Variants in ATXN1 observed in about 807,000 individuals in gnomAD.
ATXN1 encodes ataxin 1, also known as ataxin-1.
A neutral mutation model predicts 56.4 loss-of-function variants in ATXN1; 8 were observed. The ratio of observed to expected loss-of-function variants is 0.14; its 90% confidence interval spans 0.08 to 0.26. The LOEUF is 0.26. Among genes scored for constraint, ATXN1 ranks in the 10% least tolerant of loss-of-function variants. ATXN1 has a pLI of 1.00. For synonymous variants in ATXN1, 514 were observed against 494.6 expected, an observed-to-expected ratio of 1.04 and a Z score of -0.52; for missense variants, 987 against 1,106.5, an observed-to-expected ratio of 0.89 and a Z score of 1.53.
intron 6 of ATXN1, among the ~76,000 whole-genome samples, chr6:16,423,223 T>C (rs986982338): frequency 3.3e-5 from 5 of 152,218 alleles, no homozygotes; most frequent in Non-Finnish European, 5.9e-5. Context: ...CAGGCTGTTT[T>C]TCATGATTTC....
intron 4 of ATXN1, among the ~76,000 whole-genome samples, chr6:16,523,399 C>T (rs774389148): frequency 1.1e-4 from 16 of 152,132 alleles, no homozygotes; most frequent in Non-Finnish European, 2.4e-4. Context: ...ATTCAGTGAC[C>T]GTGGATGGGG....
chr6:16,458,979 C>T (rs1219040230), intron 6 of ATXN1, among the ~76,000 whole-genome samples: 1 of 152,176 alleles, frequency 6.6e-6, no homozygotes, highest in East Asian at 1.9e-4. Flanking sequence ...ACTGGCATGG[C>T]CTTCTCAGTG....
At chr6:16,354,062 G>A (rs1761634266) in intron 6 of ATXN1, among the ~76,000 whole-genome samples, 1 of 152,084 alleles carries the variant, frequency 6.6e-6, no homozygotes, top group Non-Finnish European at 1.5e-5. Flanking sequence ...AGTCTTGCCG[G>A]TCACACCACA....
rs117848696 is a variant in ATXN1 at position 16,367,903 on chromosome 6, A to G, written c.-160-39433T>C. Reference sequence around the variant, plus strand: ...AATGGTAATGTTAAAGGCTAGAGCTATGCAGCCATCTTGTATGTGAGACAT... The same window carrying G: ...AATGGTAATGTTAAAGGCTAGAGCTGTGCAGCCATCTTGTATGTGAGACAT... On this transcript the variant is annotated intron_variant, in intron 6 of 7. Coordinates refer to ENST00000436367, the MANE Select transcript of ATXN1 (RefSeq NM_001128164.2). Among the ~76,000 whole-genome samples the G allele has an allele frequency of 9.9e-5, 15 of 152,264 alleles. No homozygotes were observed. The East Asian group carries it at 1.5e-3, about 16-fold the overall frequency.
intron 2 of ATXN1, among the ~76,000 whole-genome samples, chr6:16,706,881 TTTCTC>T (rs963505257): frequency 6.6e-6 from 1 of 152,198 alleles, no homozygotes; most frequent in Non-Finnish European, 1.5e-5. Flanking sequence ...GCTTTTCAAA[TTTCTC>T]TTCTCTTCAC....
At chr6:16,501,722 T>C (rs191045537) in intron 5 of ATXN1, among the ~76,000 whole-genome samples, 1 of 152,330 alleles carries the variant, frequency 6.6e-6, no homozygotes, top group Admixed American at 6.5e-5. Flanking sequence ...CAGTCTATCA[T>C]TGATGGGCAT....
intron 3 of ATXN1, among the ~76,000 whole-genome samples, chr6:16,654,973 C>T (rs565617103): frequency 2.0e-5 from 3 of 152,148 alleles, no homozygotes; most frequent in Admixed American, 2.0e-4. Flanking sequence ...CACTTGAAGG[C>T]AGAAAGCCAG....
intron 2 of ATXN1, among the ~76,000 whole-genome samples, chr6:16,733,995 C>T (rs922251024): frequency 4.6e-5 from 7 of 151,726 alleles, no homozygotes; most frequent in South Asian, 2.1e-4. Context: ...CGGAGGCTGA[C>T]GCAGGAGAAT....
chr6:16,414,341 G>A (rs773042239), intron 6 of ATXN1, among the ~76,000 whole-genome samples: 8 of 152,190 alleles, frequency 5.3e-5, no homozygotes, highest in Non-Finnish European at 1.0e-4. Context: ...ATCGGTCACT[G>A]TTAAAACCCA....
At chr6:16,462,042 T>C (rs1760009706) in intron 6 of ATXN1, among the ~76,000 whole-genome samples, 2 of 152,212 alleles carry the variant, frequency 1.3e-5, no homozygotes, top group South Asian at 2.1e-4. Flanking sequence ...ATAACTTCTT[T>C]GGCAAAATAC....
chr6:16,600,896 G>T (rs1762900258), intron 3 of ATXN1, among the ~76,000 whole-genome samples: 1 of 152,198 alleles, frequency 6.6e-6, no homozygotes, highest in Admixed American at 6.5e-5. Flanking sequence ...AGAAACTCAA[G>T]TAATTCCTTT....
intron 3 of ATXN1, among the ~76,000 whole-genome samples, chr6:16,604,196 G>A (rs1440254080): frequency 6.6e-6 from 1 of 151,858 alleles, no homozygotes; most frequent in East Asian, 1.9e-4. Context: ...AATACAAAGA[G>A]ATAAAGAGGA....
At chr6:16,342,668 C>T (rs139650714) in intron 6 of ATXN1, among the ~76,000 whole-genome samples, 66 of 152,304 alleles carry the variant, frequency 4.3e-4, no homozygotes, top group African/African-American at 1.4e-3. Flanking sequence ...ATCCTTATGA[C>T]GAGCTATTAT....
At chr6:16,743,103 A>G (rs1144698) in intron 2 of ATXN1, among the ~76,000 whole-genome samples, 37,921 of 152,140 alleles carry the variant, frequency 0.25, 5,644 homozygotes, top group African/African-American at 0.4. Flanking sequence ...CATATAATCG[A>G]AATTCAGTAG....
At chr6:16,675,782 G>A (rs773423676) in intron 2 of ATXN1, among the ~76,000 whole-genome samples, 8 of 152,138 alleles carry the variant, frequency 5.3e-5, no homozygotes, top group African/African-American at 7.2e-5. Context: ...CCAGCGACTC[G>A]GGAGGCTGAG....
chr6:16,748,554 T>C (rs1760610257), intron 2 of ATXN1, among the ~76,000 whole-genome samples: 1 of 152,198 alleles, frequency 6.6e-6, no homozygotes, highest in African/African-American at 2.4e-5. Context: ...AAAATAATGA[T>C]GCCTACCTCA....
chr6:16,620,865 A>C (rs1437298868), intron 3 of ATXN1, among the ~76,000 whole-genome samples: 1 of 151,928 alleles, frequency 6.6e-6, no homozygotes, highest in African/African-American at 2.4e-5. Context: ...ACAGGACTAC[A>C]CTCTCCTCTA....
At chr6:16,572,517 C>T (rs892109607) in intron 4 of ATXN1, among the ~76,000 whole-genome samples, 2 of 152,120 alleles carry the variant, frequency 1.3e-5, no homozygotes, top group African/African-American at 4.8e-5. Context: ...TAATTGCTGA[C>T]AGGGAGGTTT....
At chr6:16,654,565 AAGAGAG>A (rs139344679) in intron 3 of ATXN1, among the ~76,000 whole-genome samples, 1 of 33,462 alleles carries the variant, frequency 3.0e-5, no homozygotes, top group Non-Finnish European at 5.6e-5. Context: ...AAAAAAAAAA[AAGAGAG>A]AGAGAGAGAG....
Sources: allele counts gnomAD v4.1 joint callset (sites outside exome capture counted in the v4.1 genomes callset), GRCh38; gene constraint gnomAD v4.1.1; transcripts MANE v1.5; gene names NCBI Gene and HGNC (gene_info 2026-07-23, HGNC 2026-07-21).